CFAP251: variants seen among roughly 807,000 people sequenced by gnomAD.
The protein encoded by CFAP251 is cilia- and flagella-associated protein 251.
CFAP251 carries 93 observed loss-of-function variants against 126.7 expected under a neutral mutation model. The ratio of observed to expected loss-of-function variants is 0.73; its 90% CI spans 0.62 to 0.87. The LOEUF (loss-of-function observed/expected upper bound fraction) is 0.87. CFAP251 is among the 40% of genes least tolerant of loss of function. CFAP251 has a pLI of 0.00. For synonymous variants in CFAP251, 503 were observed against 506.9 expected (o/e 0.99, Z 0.10); for missense variants, 1,287 against 1,389.2 (o/e 0.93, Z 1.17).
intron 11 of CFAP251, among the ~76,000 whole-genome samples, chr12:121,957,980 A>C (rs1043369213): frequency 6.6e-6 from 1 of 152,232 alleles, no homozygotes; most frequent in South Asian, 2.1e-4. Flanking sequence ...TGTGTGCACC[A>C]AACTCCATAT....
At chr12:121,928,768 C>T (rs1216739168) in intron 3 of CFAP251, among the ~76,000 whole-genome samples, 1 of 150,530 alleles carries the variant, frequency 6.6e-6, no homozygotes, top group Non-Finnish European at 1.5e-5. Flanking sequence ...ACGATCTCGG[C>T]TCACAGCAAC....
chr12:121,937,637 G>A (rs750658984), intron 5 of CFAP251, among the ~76,000 whole-genome samples: 3 of 152,168 alleles, frequency 2.0e-5, no homozygotes, highest in Non-Finnish European at 4.4e-5. Flanking sequence ...GGGTAGGTGG[G>A]TGGGGAGGGA....
chr12:121,970,731 C>T (rs1882303420), intron 17 of CFAP251, among the ~76,000 whole-genome samples: 1 of 152,248 alleles, frequency 6.6e-6, no homozygotes, highest in Admixed American at 6.5e-5. Context: ...CATGTAGCTA[C>T]ACCACAAGAA....
In CFAP251 at chr12:121,975,352, AAACACCTCCTGGT is replaced by A; in HGVS notation, c.2862+23_2862+35del. The stretch of plus-strand genomic sequence containing the variant: ...TCTACAGGGTAATTGTCCCTAGAGT[AAACACCTCCTGGT>A]AACATCTAGTTAAGTTTGTAAAGCA... On this transcript the variant is annotated intron_variant, in intron 18 of 21. Transcript: ENST00000288912. The A allele has an allele frequency of 1.2e-6, 2 of 1,608,628 alleles. No individual in the cohort carries two copies. Among genetic ancestry groups the A allele is most frequent in the Non-Finnish European group, 1.7e-6 (2 of 1,175,114 alleles).
At chr12:121,927,489 G>A (rs1439476549) in intron 3 of CFAP251, among the ~76,000 whole-genome samples, 1 of 152,084 alleles carries the variant, frequency 6.6e-6, no homozygotes, top group Non-Finnish European at 1.5e-5. Context: ...TAGACACAGG[G>A]TTTCGCCATG....
intron 15 of CFAP251, among the ~76,000 whole-genome samples, chr12:121,966,659 C>A (rs1257388280): frequency 1.3e-5 from 2 of 148,432 alleles, no homozygotes; most frequent in East Asian, 4.1e-4. Context: ...AATCTCAGCT[C>A]ACTGCAGCCT....
chr12:121,923,561 A>G (rs1880278058), intron 2 of CFAP251, 61 bp from the exon 3 acceptor site: 1 of 1,529,692 alleles, frequency 6.5e-7, no homozygotes, highest in Admixed American at 2.1e-5. Context: ...GGAATAGAAA[A>G]GGTGAATAAA....
intron 19 of CFAP251, 129 bp from the exon 20 acceptor site, chr12:121,999,587 C>A: frequency 1.5e-6 from 1 of 661,152 alleles, no homozygotes; most frequent in Non-Finnish European, 2.5e-6. Flanking sequence ...CCTTTGGCCA[C>A]GGCCTCCCAA....
chr12:121,994,060 A>G lies in CFAP251; in HGVS notation c.3007-5656A>G, dbSNP rs1344751904. Among the ~76,000 whole-genome samples the G allele has an allele frequency of 2.7e-4, 22 of 81,378 alleles. 1 individual carries two copies. Among genetic ancestry groups the G allele is most frequent in the Non-Finnish European group, 1.5e-4 (6 of 40,320 alleles). The allele number at this position is 81,378 out of a possible 152,430, so 53.4% of individuals were successfully genotyped here. A position where few individuals can be genotyped will look rare whatever the true frequency, so the allele number is the denominator to read the frequency against. Reference sequence around the variant, plus strand: ...GCCCCCCCGCCTGGCCAGCCGCCCCATCCGGGAGGTGAGGGGCGCCTCTGC... The same window carrying G: ...GCCCCCCCGCCTGGCCAGCCGCCCCGTCCGGGAGGTGAGGGGCGCCTCTGC... On this transcript the variant is annotated intron_variant, in intron 19 of 21. Transcript: ENST00000288912.
rs767249441 is a variant in CFAP251 at position 121,934,276 on chromosome 12, C to A, written c.918C>A (p.Cys306Ter). 2 of 1,613,892 alleles carry A rather than the reference C, an allele frequency of 1.2e-6. No homozygotes were observed. The highest frequency in any genetic ancestry group is 3.3e-5 in the Admixed American group (2 of 59,992). ...QGHANIISCL[C>*]VSEDRRWIAT... ...ACGCCAATATTATCTCCTGCCTCTG[C>A]GTCAGTGAAGACAGGCGGTGGATCG... Residue 306 changes from cysteine (C) to a stop codon, truncating the protein, a stop_gained, in exon 5 of 22, where the codon TGC (cysteine) becomes TGA (stop). Coordinates refer to ENST00000288912, the MANE Select transcript of CFAP251 (RefSeq NM_144668.6). LOFTEE classifies it high-confidence loss of function.
intron 1 of CFAP251, among the ~76,000 whole-genome samples, chr12:121,920,901 T>C (rs1381837250): frequency 6.6e-6 from 1 of 151,094 alleles, no homozygotes; most frequent in African/African-American, 2.4e-5. Flanking sequence ...CAGGCTGGAG[T>C]GCAATGGTAT....
In CFAP251 at chr12:121,923,690, A is replaced by C; in HGVS notation, c.447A>C (p.Leu149Phe). ...QLEDAETDEL[L>F]RDLSTQIEFL... ...AGGATGCAGAAACAGATGAGCTTTTAAGAGACCTGAGCACACAAATTGAAT... is the reference window on the plus strand; with the variant it reads ...AGGATGCAGAAACAGATGAGCTTTTCAGAGACCTGAGCACACAAATTGAAT... Residue 149 changes from leucine (L) to phenylalanine (F), a missense_variant, in exon 3 of 22, where the codon TTA (leucine) becomes TTC (phenylalanine). Coordinates refer to ENST00000288912, the MANE Select transcript of CFAP251 (RefSeq NM_144668.6). 6.2e-7 allele frequency: 1 copy of C among 1,614,172 alleles called. No homozygotes were observed. The highest frequency in any genetic ancestry group is 8.5e-7 in the Non-Finnish European group (1 of 1,180,028).
At chr12:121,986,601 AT>A (rs1040716904) in intron 19 of CFAP251, among the ~76,000 whole-genome samples, 259 of 143,234 alleles carry the variant, frequency 1.8e-3, no homozygotes, top group Middle Eastern at 3.6e-3. Flanking sequence ...GCCCAGCCGA[AT>A]TTTTTTTTTT....
At chr12:121,985,120 T>A (rs1882714930) in intron 19 of CFAP251, among the ~76,000 whole-genome samples, 1 of 152,258 alleles carries the variant, frequency 6.6e-6, no homozygotes, top group Non-Finnish European at 1.5e-5. Context: ...AGCTTGGGCA[T>A]AGCTTAGGAG....
At chr12:121,973,906 G>T (rs535859976) in intron 17 of CFAP251, among the ~76,000 whole-genome samples, 1 of 152,312 alleles carries the variant, frequency 6.6e-6, no homozygotes, top group African/African-American at 2.4e-5. Flanking sequence ...GAGTTAATGT[G>T]AAATGAGTTA....
intron 4 of CFAP251, chr12:121,932,826 C>T (rs1880744477): frequency 6.6e-6 from 1 of 152,292 alleles, no homozygotes; most frequent in Non-Finnish European, 1.5e-5. Flanking sequence ...AGGCAGCTCC[C>T]CTTGGAGCTT....
chr12:121,984,789 C>A (rs1291197913), intron 19 of CFAP251, among the ~76,000 whole-genome samples: 1 of 152,218 alleles, frequency 6.6e-6, no homozygotes, highest in African/African-American at 2.4e-5. Flanking sequence ...CCCAGCATAT[C>A]ATTCGTTTCC....
intron 4 of CFAP251, chr12:121,932,376 C>CT (rs1491181713): frequency 6.6e-6 from 1 of 152,174 alleles, no homozygotes; most frequent in Non-Finnish European, 1.5e-5. Context: ...TAAACAATGA[C>CT]TCTACATCTC....
chr12:121,968,092 C>T lies in CFAP251; in HGVS notation c.2694C>T (p.Ala898=), dbSNP rs779028364. The T allele has an allele frequency of 4.3e-6, 7 of 1,613,566 alleles. No individual in the cohort carries two copies. Among genetic ancestry groups the T allele is most frequent in the African/African-American group, 2.7e-5 (2 of 74,896 alleles). The change falls in exon 17 of 22, where the codon GCC becomes GCT. Residue 898 remains alanine, a synonymous_variant. Transcript: ENST00000288912. ...ACCCGAACGGGGTGGCCGGCATGGC[C>T]GTTTCCTATGATGGCTGCTACGCCT... ...VCHPNGVAGM[A]VSYDGCYAFT...
Sources: gnomAD v4.1 joint callset for allele counts (sites outside exome capture counted in the v4.1 genomes callset) on GRCh38, gnomAD v4.1.1 for gene constraint, MANE v1.5 for transcripts, NCBI Gene and HGNC (gene_info 2026-07-23, HGNC 2026-07-21) for gene names.